The following LCA5 variants were observed in gnomAD, a reference collection of about 807,000 sequenced individuals.
LCA5 encodes the protein lebercilin LCA5.
A neutral mutation model predicts 53.0 loss-of-function variants in LCA5; 37 were observed. That is an observed-to-expected ratio of 0.70 (90% confidence interval 0.54 to 0.92). LCA5 has a LOEUF of 0.92. LCA5 is among the 40% of genes least tolerant of loss of function. LCA5 has a pLI of 0.00. For synonymous variants in LCA5, 303 were observed against 282.9 expected (o/e 1.07, Z -0.71); for missense variants, 806 against 790.5 (o/e 1.02, Z -0.23).
chr6:79,532,943 C>T (rs1365541147), intron 1 of LCA5, among the ~76,000 whole-genome samples: 1 of 151,948 alleles, frequency 6.6e-6, no homozygotes, highest in Non-Finnish European at 1.5e-5. Flanking sequence ...TAAAATTTTC[C>T]TTTTTGTTTT....
intron 2 of LCA5, among the ~76,000 whole-genome samples, chr6:79,517,746 T>G (rs1162174347): frequency 6.6e-6 from 1 of 152,182 alleles, no homozygotes; most frequent in East Asian, 1.9e-4. Flanking sequence ...CGAATATTAT[T>G]TTTTGAAGTA....
intron 3 of LCA5, among the ~76,000 whole-genome samples, chr6:79,502,838 C>T (rs1437514912): frequency 6.6e-6 from 1 of 151,898 alleles, no homozygotes; most frequent in East Asian, 1.9e-4. Context: ...AATTCTACTC[C>T]CACACATGAG....
intron 1 of LCA5, among the ~76,000 whole-genome samples, chr6:79,533,145 A>C (rs1365036417): frequency 6.6e-6 from 1 of 152,164 alleles, no homozygotes; most frequent in Admixed American, 6.6e-5. Context: ...AAACAAAAGG[A>C]ATTTCACCTG....
At chr6:79,525,197 T>C (rs976452832) in intron 1 of LCA5, 1 of 152,218 alleles carries the variant, frequency 6.6e-6, no homozygotes, top group African/African-American at 2.4e-5. Flanking sequence ...TTTCTGTTTC[T>C]TTATCTTGGG....
intron 1 of LCA5, among the ~76,000 whole-genome samples, 195 bp from the exon 2 acceptor site, chr6:79,519,280 A>G (rs1766549525): frequency 6.6e-6 from 1 of 152,234 alleles, no homozygotes; most frequent in East Asian, 1.9e-4. Flanking sequence ...GCCTAGATAG[A>G]TAATAAGTAC....
intron 3 of LCA5, among the ~76,000 whole-genome samples, chr6:79,504,067 A>G (rs887268363): frequency 8.5e-5 from 13 of 152,204 alleles, no homozygotes; most frequent in African/African-American, 3.1e-4. Flanking sequence ...GATAATAACC[A>G]CAAGAAAGGC....
At chr6:79,488,880 TAG>T (rs1392571926) in intron 7 of LCA5, 1 of 619,634 alleles carries the variant, frequency 1.6e-6, no homozygotes, top group Non-Finnish European at 2.8e-6. Flanking sequence ...GCAAATGACT[TAG>T]AGTGTTCAAT....
intron 3 of LCA5, among the ~76,000 whole-genome samples, chr6:79,511,239 C>T (rs1334919622): frequency 6.6e-6 from 1 of 152,034 alleles, no homozygotes; most frequent in African/African-American, 2.4e-5. Flanking sequence ...GGAAACAAAC[C>T]AAATGTCCTT....
chr6:79,497,741 G>A (rs975228728), intron 3 of LCA5, among the ~76,000 whole-genome samples: 4 of 152,080 alleles, frequency 2.6e-5, no homozygotes, highest in African/African-American at 7.2e-5. Flanking sequence ...TTGGGAGGCC[G>A]ACGCGGGCAG....
At chr6:79,529,462 G>C (rs962408452) in intron 1 of LCA5, among the ~76,000 whole-genome samples, 1 of 152,122 alleles carries the variant, frequency 6.6e-6, no homozygotes, top group Admixed American at 6.5e-5. Flanking sequence ...GGAGGGGTCA[G>C]CCAATAAAAG....
At chr6:79,525,053 G>A (rs1045175214) in intron 1 of LCA5, 4 of 151,424 alleles carry the variant, frequency 2.6e-5, no homozygotes, top group Admixed American at 2.0e-4. Context: ...TTGTTGTTCC[G>A]ATTTTTAAAA....
chr6:79,513,716 A>G lies in LCA5; in HGVS notation c.216T>C (p.Gly72=). The change falls in exon 3 of 8, where the codon GGT becomes GGC. Residue 72 remains glycine, a synonymous_variant. Transcript: ENST00000369846. ...CTCGGACTCCCTTTCTGTTTGGTAG[A>G]CCCTTAGGGCTTGGTTTCCGAGGGG... ...HQAPRKPSPK[G]LPNRKGVRVG... 2.5e-6 allele frequency: 4 copies of G among 1,613,552 alleles called. No homozygotes were observed. The African/African-American group carries it at 5.3e-5, about 22-fold the overall frequency.
At position 79,513,375 on chromosome 6, in the gene LCA5, T is replaced by A; in HGVS notation, c.557A>T (p.Glu186Val). ...RKSQEKERAT[E>V]KRVKDTESEL... is the part of the protein sequence containing the mutation. ...ACTTTCTGTATCTTTTACCCTTTTC[T>A]CAGTTGCCCGTTCTTTCTCTTGAGA... is the stretch of plus-strand genomic sequence containing the variant. Residue 186 changes from glutamate (E) to valine (V), a missense_variant, in exon 3 of 8, where the codon GAG becomes GTG. Physicochemically the swap from Glu to Val is moderately radical, Grantham distance 121. Transcript: ENST00000369846. 1 of 1,614,008 alleles carries A rather than the reference T, an allele frequency of 6.2e-7. No individual in the cohort carries two copies. The highest frequency in any genetic ancestry group is 8.5e-7 in the Non-Finnish European group (1 of 1,179,914).
At chr6:79,513,859 A>AT in intron 2 of LCA5, 118 bp from the exon 3 acceptor site, 2 of 920,252 alleles carry the variant, frequency 2.2e-6, no homozygotes, top group Non-Finnish European at 3.4e-6. Context: ...TTAAGAAAGG[A>AT]TTTTACAATA....
chr6:79,494,764 T>C (rs2127670215), intron 3 of LCA5, among the ~76,000 whole-genome samples: 1 of 152,336 alleles, frequency 6.6e-6, no homozygotes, highest in Admixed American at 6.5e-5. Context: ...TAAATTCTGC[T>C]GTTCATTATT....
chr6:79,524,305 T>G, intron 1 of LCA5, among the ~76,000 whole-genome samples: 1 of 152,208 alleles, frequency 6.6e-6, no homozygotes, highest in East Asian at 1.9e-4. Context: ...ATCATTTTAC[T>G]GGTCCACATC....
intron 1 of LCA5, among the ~76,000 whole-genome samples, chr6:79,522,250 C>T (rs746421938): frequency 1.5e-4 from 23 of 151,936 alleles, no homozygotes; most frequent in Non-Finnish European, 2.8e-4. Context: ...CAGAATTAGA[C>T]GAGTGACATT....
At chr6:79,524,826 C>A (rs184076520) in intron 1 of LCA5, among the ~76,000 whole-genome samples, 123 of 152,214 alleles carry the variant, frequency 8.1e-4, no homozygotes, top group African/African-American at 2.9e-3. Context: ...CTTTCTCCCC[C>A]TCTTCCTTTC....
intron 3 of LCA5, among the ~76,000 whole-genome samples, 177 bp from the exon 4 acceptor site, chr6:79,493,927 T>C (rs547027450): frequency 6.6e-6 from 1 of 152,286 alleles, no homozygotes; most frequent in South Asian, 2.1e-4. Flanking sequence ...TTTAGTAAGG[T>C]ATCAAGCCTG....
Sources: gnomAD v4.1 joint callset for allele counts (sites outside exome capture counted in the v4.1 genomes callset) on GRCh38, gnomAD v4.1.1 for gene constraint, MANE v1.5 for transcripts, NCBI Gene and HGNC (gene_info 2026-07-23, HGNC 2026-07-21) for gene names.